Variants in SIPA1L2 observed in about 807,000 individuals in gnomAD.
The protein encoded by SIPA1L2 is signal-induced proliferation-associated 1-like protein 2.
SIPA1L2 carries 56 observed loss-of-function variants against 163.9 expected under a neutral mutation model. That is an observed-to-expected ratio of 0.34 (90% CI 0.28 to 0.43). The LOEUF is 0.43. Ranked by LOEUF, SIPA1L2 falls within the 20% of genes least tolerant of loss-of-function variation. The pLI, the probability that SIPA1L2 is intolerant of heterozygous loss-of-function variation, is 1.00. For synonymous variants in SIPA1L2, 877 were observed against 865.7 expected, an observed-to-expected ratio of 1.01 and a Z score of -0.23; for missense variants, 1,974 against 2,193.5, an observed-to-expected ratio of 0.90 and a Z score of 2.00.
At chr1:232,568,809 G>A (rs1412307954) in intron 2 of SIPA1L2, among the ~76,000 whole-genome samples, 1 of 152,172 alleles carries the variant, frequency 6.6e-6, no homozygotes, top group Non-Finnish European at 1.5e-5. Flanking sequence ...ACCCAAACGT[G>A]TGTATTGAGT....
At chr1:232,512,898 T>C (rs1667046010) in intron 3 of SIPA1L2, among the ~76,000 whole-genome samples, 2 of 151,314 alleles carry the variant, frequency 1.3e-5, no homozygotes, top group South Asian at 4.2e-4. Context: ...AGGAGGAGAG[T>C]AGCGGGGCCC....
chr1:232,421,635 A>G (rs561677614), intron 18 of SIPA1L2, among the ~76,000 whole-genome samples: 2 of 152,328 alleles, frequency 1.3e-5, no homozygotes, highest in South Asian at 4.1e-4. Context: ...CACCCTTGGC[A>G]AAGATTCTTC....
chr1:232,527,722 CTTCTT>C (rs1420129495), intron 2 of SIPA1L2, among the ~76,000 whole-genome samples: 1 of 86,276 alleles, frequency 1.2e-5, no homozygotes, highest in African/African-American at 4.4e-5. Flanking sequence ...TCTTCTTCTT[CTTCTT>C]TTTTTTTTTT....
intron 1 of SIPA1L2, among the ~76,000 whole-genome samples, chr1:232,580,900 C>T (rs1228063020): frequency 1.3e-5 from 2 of 152,164 alleles, no homozygotes; most frequent in Non-Finnish European, 2.9e-5. Context: ...TCCCTTCACT[C>T]TCTTTACCAT....
At chr1:232,471,561 GT>G in intron 7 of SIPA1L2, 33 bp from the exon 8 acceptor site, 1 of 1,555,370 alleles carries the variant, frequency 6.4e-7, no homozygotes, top group African/African-American at 1.4e-5. Context: ...TTACAAATAA[GT>G]TTTTCTTTAA....
intron 5 of SIPA1L2, among the ~76,000 whole-genome samples, chr1:232,485,316 G>A (rs180909561): frequency 7.0e-4 from 106 of 152,304 alleles, no homozygotes; most frequent in Admixed American, 3.1e-3. Context: ...ACTGCATAGC[G>A]AGAAAAATGA....
intron 8 of SIPA1L2, among the ~76,000 whole-genome samples, chr1:232,468,082 T>C (rs1664615534): frequency 6.6e-6 from 1 of 152,214 alleles, no homozygotes; most frequent in Non-Finnish European, 1.5e-5. Context: ...TATGATATTC[T>C]GGGTATGGGA....
rs1182163275 is a variant in SIPA1L2, at chr1:232,514,308, G to A, written c.1032C>T (p.Ala344=). 1.6e-5 allele frequency: 26 copies of A among 1,613,450 alleles called. No homozygotes were observed. The highest frequency in any genetic ancestry group is 2.2e-5 in the Non-Finnish European group (26 of 1,180,030). Residue 344 remains alanine (A), a synonymous_variant, in exon 3 of 23, where the codon GCC becomes GCT. Coordinates refer to ENST00000674635, the MANE Select transcript of SIPA1L2 (RefSeq NM_020808.5). ...TCCCCACATTAGCCCTCGTAGCCAT[G>A]GCTTCGTTGATATTAAACAAAATGC... ...VQSILFNINE[A]MATRANVGKR...
intron 3 of SIPA1L2, among the ~76,000 whole-genome samples, chr1:232,513,411 G>C (rs1381464491): frequency 6.6e-6 from 1 of 152,186 alleles, no homozygotes; most frequent in Non-Finnish European, 1.5e-5. Context: ...AACACATACA[G>C]CAATGCTGGA....
intron 1 of SIPA1L2, among the ~76,000 whole-genome samples, chr1:232,619,936 G>A (rs1253580531): frequency 6.6e-6 from 1 of 152,124 alleles, no homozygotes; most frequent in African/African-American, 2.4e-5. Flanking sequence ...CCAGGCTGGA[G>A]TGCAGTGGCG....
chr1:232,516,293 G>A (rs1031728869), intron 2 of SIPA1L2, among the ~76,000 whole-genome samples: 10 of 152,182 alleles, frequency 6.6e-5, no homozygotes, highest in African/African-American at 2.4e-4. Flanking sequence ...CAAATACATT[G>A]CAGTAGTGAG....
At chr1:232,433,215 G>A (rs1262130978) in intron 15 of SIPA1L2, among the ~76,000 whole-genome samples, 2 of 152,204 alleles carry the variant, frequency 1.3e-5, no homozygotes, top group African/African-American at 2.4e-5. Flanking sequence ...AATACTCTAC[G>A]AATGAATGGA....
In SIPA1L2 at chr1:232,439,509, G is replaced by C; in HGVS notation, c.3643-13C>G. 1.2e-6 allele frequency: 2 copies of C among 1,601,510 alleles called. No individual in the cohort carries two copies. The highest frequency in any genetic ancestry group is 1.1e-5 in the South Asian group (1 of 89,324). ...TTTTATCCCCAATCTTCAGAAGAAA[G>C]AGGAACAGAGAGTTCTCAAGTGAAT... On this transcript the variant is annotated splice_polypyrimidine_tract_variant and intron_variant, in intron 14 of 22. Coordinates refer to ENST00000674635, the MANE Select transcript of SIPA1L2 (RefSeq NM_020808.5).
chr1:232,595,253 C>A (rs1430939148), intron 1 of SIPA1L2, among the ~76,000 whole-genome samples: 1 of 152,112 alleles, frequency 6.6e-6, no homozygotes, highest in African/African-American at 2.4e-5. Flanking sequence ...GAATACTTAC[C>A]CCCAGCTCAT....
chr1:232,552,656 C>T (rs1658458503), intron 2 of SIPA1L2, among the ~76,000 whole-genome samples: 1 of 152,112 alleles, frequency 6.6e-6, no homozygotes, highest in Non-Finnish European at 1.5e-5. Context: ...GGGCATGAAC[C>T]ACCACACACA....
At chr1:232,451,621 C>T (rs1032592605) in intron 10 of SIPA1L2, among the ~76,000 whole-genome samples, 1 of 152,206 alleles carries the variant, frequency 6.6e-6, no homozygotes, top group Admixed American at 6.5e-5. Flanking sequence ...ATTCAGACCT[C>T]ATTGATACAC....
chr1:232,580,628 AC>A (rs1253738215), intron 1 of SIPA1L2, among the ~76,000 whole-genome samples: 3 of 151,944 alleles, frequency 2.0e-5, no homozygotes, highest in Non-Finnish European at 4.4e-5. Context: ...TGCAGATGAA[AC>A]CTCACATGGG....
intron 2 of SIPA1L2, among the ~76,000 whole-genome samples, chr1:232,532,310 G>A (rs1657014261): frequency 6.6e-6 from 1 of 152,188 alleles, no homozygotes; most frequent in African/African-American, 2.4e-5. Flanking sequence ...TAACTGAGAG[G>A]ATGAAGTTGA....
intron 2 of SIPA1L2, among the ~76,000 whole-genome samples, chr1:232,547,011 T>C (rs1658069428): frequency 6.6e-6 from 1 of 152,170 alleles, no homozygotes; most frequent in Admixed American, 6.5e-5. Flanking sequence ...TGTAAATTAG[T>C]ACCTGCCTGA....
Sources: allele counts gnomAD v4.1 joint callset (sites outside exome capture counted in the v4.1 genomes callset), GRCh38; gene constraint gnomAD v4.1.1; transcripts MANE v1.5; gene names NCBI Gene and HGNC (gene_info 2026-07-23, HGNC 2026-07-21).